GLRX3: variants seen among roughly 807,000 people sequenced by gnomAD.
GLRX3 encodes the protein glutaredoxin-3.
GLRX3 carries 22 observed loss-of-function variants against 49.5 expected under a neutral mutation model. The ratio of observed to expected loss-of-function variants is 0.44; its 90% CI spans 0.32 to 0.63. The LOEUF (loss-of-function observed/expected upper bound fraction) is 0.63. Ranked by LOEUF, GLRX3 falls within the 30% of genes least tolerant of loss-of-function variation. The pLI, the probability that GLRX3 is intolerant of heterozygous loss-of-function variation, is 0.05. For synonymous variants in GLRX3, 133 were observed against 140.0 expected (o/e 0.95, Z 0.35); for missense variants, 385 against 396.3 (o/e 0.97, Z 0.24).
Position 130,169,281 on chromosome 10 carries a change from G to A in GLRX3, c.714-152G>A, listed in dbSNP as rs573330005. 39 of 599,538 alleles carry A rather than the reference G, an allele frequency of 6.5e-5. No individual in the cohort carries two copies. The South Asian group carries it at 7.9e-4, about 12-fold the overall frequency. 37.1% of individuals were successfully genotyped at this position (599,538 alleles called of 1,614,324 possible). ...GGCTTAGGGAGAGAATGAAATCAAG[G>A]AAAATGTCAACGCATTTGCTTGTTT... On this transcript the variant is annotated intron_variant, in intron 6 of 10. Coordinates refer to ENST00000331244, the MANE Select transcript of GLRX3 (RefSeq NM_006541.5).
At chr10:130,176,790 C>CTATA (rs1376903236) in intron 10 of GLRX3, among the ~76,000 whole-genome samples, 2 of 135,586 alleles carry the variant, frequency 1.5e-5, no homozygotes, top group African/African-American at 5.4e-5. Flanking sequence ...CTCTCTCTCT[C>CTATA]TCTATATATA....
At chr10:130,151,583 C>T (rs1369469237) in intron 2 of GLRX3, among the ~76,000 whole-genome samples, 2 of 151,934 alleles carry the variant, frequency 1.3e-5, no homozygotes, top group Admixed American at 6.6e-5. Flanking sequence ...CATGTGTTCT[C>T]ATTGTTCAGC....
At chr10:130,136,616 C>T (rs1862056622) in intron 1 of GLRX3, 104 bp downstream of exon 1, 2 of 1,212,100 alleles carry the variant, frequency 1.7e-6, no homozygotes, top group Admixed American at 4.2e-5. Context: ...TTCTTGGTGC[C>T]CGGCTCCCTT....
intron 1 of GLRX3, among the ~76,000 whole-genome samples, chr10:130,137,168 C>G (rs919751790): frequency 4.6e-5 from 7 of 152,232 alleles, no homozygotes; most frequent in African/African-American, 1.7e-4. Flanking sequence ...CAGAGATTTC[C>G]TGTTCCATGA....
intron 2 of GLRX3, among the ~76,000 whole-genome samples, chr10:130,148,512 AT>A (rs1270195605): frequency 7.7e-6 from 1 of 129,532 alleles, no homozygotes; most frequent in East Asian, 2.4e-4. Context: ...GGATCAGTTC[AT>A]TTTTGTGACT....
rs1053153503 is a variant in GLRX3, at chr10:130,148,320, AC to A, written c.201+3002del. Among the ~76,000 whole-genome samples, 18 of 151,062 alleles carry A rather than the reference AC, an allele frequency of 1.2e-4. No homozygotes were observed. The East Asian group carries it at 1.6e-3, about 13-fold the overall frequency. On this transcript the variant is annotated intron_variant, in intron 2 of 10. Transcript: ENST00000331244. ...TAATTTTTGTATTTTTTGTAGCGATACGGTTTCACCATGTTGCTCAGGCTGG... is the reference window on the plus strand; with the variant it reads ...TAATTTTTGTATTTTTTGTAGCGATAGGTTTCACCATGTTGCTCAGGCTGG...
intron 8 of GLRX3, among the ~76,000 whole-genome samples, chr10:130,173,833 A>G (rs984611951): frequency 1.3e-5 from 2 of 152,022 alleles, no homozygotes; most frequent in Non-Finnish European, 2.9e-5. Context: ...CCCGTCATTT[A>G]GTTTTTTTGA....
At chr10:130,170,318 A>G (rs1862779819) in intron 7 of GLRX3, among the ~76,000 whole-genome samples, 1 of 152,196 alleles carries the variant, frequency 6.6e-6, no homozygotes, top group Non-Finnish European at 1.5e-5. Flanking sequence ...GCACCGGGCA[A>G]GTGACATGGA....
At position 130,166,956 on chromosome 10, in the gene GLRX3, C is replaced by G. The variant is rs752892761; in HGVS notation, c.689C>G (p.Pro230Arg). Reference protein sequence around the residue: ...EASEELDTICPKAPKLEERLK... With the variant: ...EASEELDTICRKAPKLEERLK... ...TCTGAAGAACTAGATACAATTTGTC[C>G]CAAAGCTCCCAAATTAGAGGAAAGG... Residue 230 changes from proline (P) to arginine (R), a missense_variant, in exon 6 of 11, where the codon CCC becomes CGC. Physicochemically the swap from Pro to Arg is moderately radical, Grantham distance 103. Transcript: ENST00000331244. 1 of 1,590,728 alleles carries G rather than the reference C, an allele frequency of 6.3e-7. No individual in the cohort carries two copies. Among genetic ancestry groups the G allele is most frequent in the East Asian group, 2.3e-5 (1 of 44,284 alleles).
chr10:130,162,591 A>G (rs560625863), intron 4 of GLRX3, among the ~76,000 whole-genome samples: 2 of 152,316 alleles, frequency 1.3e-5, no homozygotes, highest in African/African-American at 4.8e-5. Context: ...GTACAGTAGA[A>G]CTGGCTGTGA....
intron 7 of GLRX3, 112 bp from the exon 8 acceptor site, chr10:130,171,472 T>A (rs1862806925): frequency 1.4e-6 from 1 of 710,854 alleles, no homozygotes; most frequent in South Asian, 1.6e-5. Flanking sequence ...TGAGTGAAAG[T>A]AGTGGCAGCT....
chr10:130,152,083 C>T (rs1292568521), intron 2 of GLRX3, among the ~76,000 whole-genome samples: 2 of 151,552 alleles, frequency 1.3e-5, no homozygotes, highest in African/African-American at 4.9e-5. Flanking sequence ...TGCAGTGATG[C>T]GATCGGTTCA....
chr10:130,168,736 C>T (rs117927385), intron 6 of GLRX3, among the ~76,000 whole-genome samples: 2,862 of 152,288 alleles, frequency 0.019, 36 homozygotes, highest in Non-Finnish European at 0.025. Context: ...CGTGAGCCAC[C>T]GCGCCCAACC....
chr10:130,140,121 A>G lies in GLRX3; in HGVS notation c.92+3609A>G, dbSNP rs531742367. 2.6e-5 allele frequency among the ~76,000 whole-genome samples: 4 copies of G among 152,342 alleles called. No homozygotes were observed. In the South Asian group the frequency reaches 8.3e-4, roughly 32 times the overall value. On this transcript the variant is annotated intron_variant, in intron 1 of 10. Coordinates refer to ENST00000331244, the MANE Select transcript of GLRX3 (RefSeq NM_006541.5). The stretch of plus-strand genomic sequence containing the variant: ...TTGTACAATGGGGTTATTAATATCC[A>G]TTTGCAGAGTAAGCAGGTTTAGTAT...
intron 2 of GLRX3, among the ~76,000 whole-genome samples, chr10:130,145,794 A>G (rs574250887): frequency 1.4e-4 from 22 of 152,160 alleles, no homozygotes; most frequent in African/African-American, 5.1e-4. Context: ...AAAATCTTAA[A>G]ATAATTTTGC....
intron 10 of GLRX3, among the ~76,000 whole-genome samples, chr10:130,175,486 G>C (rs1366285979): frequency 6.6e-6 from 1 of 152,220 alleles, no homozygotes; most frequent in African/African-American, 2.4e-5. Flanking sequence ...CCTTGCCACA[G>C]AGGCTGAGGA....
At chr10:130,164,983 C>T (rs1337215264) in intron 4 of GLRX3, among the ~76,000 whole-genome samples, 2 of 152,186 alleles carry the variant, frequency 1.3e-5, no homozygotes, top group Non-Finnish European at 2.9e-5. Context: ...AACTTATATG[C>T]TATACAAATA....
At chr10:130,155,519 A>G (rs1015319837) in intron 2 of GLRX3, among the ~76,000 whole-genome samples, 8 of 152,136 alleles carry the variant, frequency 5.3e-5, no homozygotes, top group East Asian at 3.9e-4. Context: ...CTGTTGATGG[A>G]GTAGGTGTGA....
chr10:130,150,788 G>A (rs567270709), intron 2 of GLRX3, among the ~76,000 whole-genome samples: 1 of 152,258 alleles, frequency 6.6e-6, no homozygotes, highest in African/African-American at 2.4e-5. Context: ...ATAACCAGGT[G>A]CATGCTAACT....
Sources: gnomAD v4.1 joint callset for allele counts (sites outside exome capture counted in the v4.1 genomes callset) on GRCh38, gnomAD v4.1.1 for gene constraint, MANE v1.5 for transcripts, NCBI Gene and HGNC (gene_info 2026-07-23, HGNC 2026-07-21) for gene names.